RGS6: variants seen among roughly 807,000 people sequenced by gnomAD.
RGS6 encodes the protein regulator of G protein signaling 6, also known as regulator of G-protein signaling 6.
Under a neutral mutation model 78.5 loss-of-function variants are expected in RGS6, and 30 were observed. The ratio of observed to expected loss-of-function variants is 0.38; its 90% CI spans 0.29 to 0.52. The LOEUF (loss-of-function observed/expected upper bound fraction) is 0.52. RGS6 is among the 20% of genes least tolerant of loss of function. The pLI is 0.85. For synonymous variants in RGS6, 206 were observed against 206.0 expected (o/e 1.00, Z 0.00); for missense variants, 495 against 609.7 (o/e 0.81, Z 1.98).
chr14:72,164,114 C>G (rs1048717364), intron 2 of RGS6, among the ~76,000 whole-genome samples: 14 of 152,116 alleles, frequency 9.2e-5, no homozygotes, highest in African/African-American at 2.7e-4. Flanking sequence ...ATTGTTTAAC[C>G]TGCCCTCTAC....
At chr14:72,591,172 T>C in the RGS6 span, among the ~76,000 whole-genome samples, 2 of 152,152 alleles carry the variant, frequency 1.3e-5, no homozygotes, top group African/African-American at 4.8e-5. Context: ...TTTCCTGCAA[T>C]GGGCATGCAT....
intron 2 of RGS6, among the ~76,000 whole-genome samples, chr14:71,995,882 G>A (rs184074089): frequency 3.3e-5 from 5 of 152,280 alleles, no homozygotes; most frequent in Admixed American, 2.6e-4. Flanking sequence ...CAAGGAGTTT[G>A]GACAAAGCTC....
intron 2 of RGS6, among the ~76,000 whole-genome samples, chr14:72,003,560 G>T (rs1005590077): frequency 3.9e-5 from 6 of 152,214 alleles, no homozygotes; most frequent in Non-Finnish European, 7.4e-5. Context: ...CTTTAAGGAA[G>T]ATTTTGTTTA....
At chr14:72,280,696 T>C (rs1381977825) in intron 2 of RGS6, among the ~76,000 whole-genome samples, 1 of 152,248 alleles carries the variant, frequency 6.6e-6, no homozygotes, top group African/African-American at 2.4e-5. Context: ...CACTGTCTAA[T>C]ATCATAGAAA....
chr14:72,535,716 C>G (rs2097241578), intron 15 of RGS6, among the ~76,000 whole-genome samples: 2 of 152,256 alleles, frequency 1.3e-5, no homozygotes, highest in African/African-American at 4.8e-5. Flanking sequence ...TTCCTCATCT[C>G]TAACCCCAGG....
intron 3 of RGS6, among the ~76,000 whole-genome samples, chr14:72,386,061 G>T (rs2087880129): frequency 6.6e-6 from 1 of 152,034 alleles, no homozygotes; most frequent in African/African-American, 2.4e-5. Context: ...TTGTCCCTGG[G>T]GCTTTCTTAG....
intron 2 of RGS6, among the ~76,000 whole-genome samples, chr14:72,241,654 G>A (rs2052869311): frequency 1.3e-5 from 2 of 152,128 alleles, no homozygotes; most frequent in Admixed American, 1.3e-4. Flanking sequence ...GGACATTTAA[G>A]TTGTTTATAA....
intron 3 of RGS6, among the ~76,000 whole-genome samples, chr14:72,390,525 T>G (rs1421804253): frequency 6.6e-6 from 1 of 152,172 alleles, no homozygotes; most frequent in Non-Finnish European, 1.5e-5. Flanking sequence ...GAGACAGTTA[T>G]GAAAAGTTTT....
chr14:71,942,538 G>A (rs566878968), intron 1 of RGS6, among the ~76,000 whole-genome samples: 1 of 151,798 alleles, frequency 6.6e-6, no homozygotes, highest in Non-Finnish European at 1.5e-5. Flanking sequence ...TAAAACTTTA[G>A]AGAAAGAAAT....
At chr14:72,411,096 AT>A (rs2093376117) in intron 3 of RGS6, among the ~76,000 whole-genome samples, 1 of 152,106 alleles carries the variant, frequency 6.6e-6, no homozygotes, top group Admixed American at 6.5e-5. Flanking sequence ...TTTTTTTCCA[AT>A]TCTGTGAAGA....
intron 6 of RGS6, among the ~76,000 whole-genome samples, chr14:72,460,989 G>T (rs1197405251): frequency 6.6e-6 from 1 of 152,058 alleles, no homozygotes; most frequent in African/African-American, 2.4e-5. Context: ...ATGCAGAAGG[G>T]CAGGCTCTGG....
At chr14:72,204,559 C>T (rs1199149173) in intron 2 of RGS6, among the ~76,000 whole-genome samples, 2 of 152,192 alleles carry the variant, frequency 1.3e-5, no homozygotes, top group African/African-American at 4.8e-5. Context: ...TTATGTCTCA[C>T]AGTTCTAGAG....
chr14:72,305,913 G>T (rs1369927354), intron 2 of RGS6, among the ~76,000 whole-genome samples: 1 of 152,210 alleles, frequency 6.6e-6, no homozygotes, highest in East Asian at 1.9e-4. Context: ...AGTTGTGAAT[G>T]CAAAGGAAAA....
At chr14:72,467,544 T>C (rs956184069) in intron 7 of RGS6, among the ~76,000 whole-genome samples, 1 of 152,070 alleles carries the variant, frequency 6.6e-6, no homozygotes, top group Non-Finnish European at 1.5e-5. Flanking sequence ...ACAGCCCAAG[T>C]GTGAATGCGC....
At chr14:72,284,065 G>A (rs1191806546) in intron 2 of RGS6, among the ~76,000 whole-genome samples, 1 of 152,172 alleles carries the variant, frequency 6.6e-6, no homozygotes, top group Non-Finnish European at 1.5e-5. Flanking sequence ...AGATGATTTA[G>A]GGTATCTGGC....
intron 2 of RGS6, among the ~76,000 whole-genome samples, chr14:72,131,796 C>G (rs1198521727): frequency 6.6e-6 from 1 of 152,170 alleles, no homozygotes; most frequent in African/African-American, 2.4e-5. Flanking sequence ...TCTACTTTCT[C>G]AATATACATT....
chr14:72,316,946 ATCAC>A (rs1029804564), intron 2 of RGS6, among the ~76,000 whole-genome samples: 1 of 132,884 alleles, frequency 7.5e-6, no homozygotes, highest in African/African-American at 2.8e-5. Context: ...TATTTCACAT[ATCAC>A]TCAGGTCAAT....
At chr14:72,033,674 C>T (rs1291462514) in intron 2 of RGS6, among the ~76,000 whole-genome samples, 2 of 152,192 alleles carry the variant, frequency 1.3e-5, no homozygotes, top group East Asian at 3.8e-4. Flanking sequence ...ATGGTTTCTG[C>T]TGAATACATA....
intron 2 of RGS6, among the ~76,000 whole-genome samples, chr14:72,255,521 T>G (rs2056885387): frequency 6.6e-6 from 1 of 152,240 alleles, no homozygotes; most frequent in African/African-American, 2.4e-5. Flanking sequence ...AGTTCTAGAC[T>G]GAAGTCTCTG....
Sources: gnomAD v4.1 joint callset for allele counts (sites outside exome capture counted in the v4.1 genomes callset) on GRCh38, gnomAD v4.1.1 for gene constraint, MANE v1.5 for transcripts, NCBI Gene and HGNC (gene_info 2026-07-23, HGNC 2026-07-21) for gene names.